CTNNA2: variants seen among roughly 807,000 people sequenced by gnomAD.
CTNNA2 encodes catenin alpha 2, also known as catenin alpha-2.
Under a neutral mutation model 101.0 loss-of-function variants are expected in CTNNA2, and 42 were observed. The ratio of observed to expected loss-of-function variants is 0.42; its 90% CI spans 0.32 to 0.54. CTNNA2 has a LOEUF of 0.54. CTNNA2 is among the 20% of genes least tolerant of loss of function. CTNNA2 has a pLI of 0.14. For missense variants in CTNNA2, 871 were observed against 1,223.1 expected (o/e 0.71, Z 4.29); for synonymous variants, 450 against 456.4 (o/e 0.99, Z 0.18).
At chr2:79,779,225 G>A (rs1371722520) in intron 3 of CTNNA2, among the ~76,000 whole-genome samples, 1 of 152,022 alleles carries the variant, frequency 6.6e-6, no homozygotes, top group Non-Finnish European at 1.5e-5. Context: ...CTTTCAGGAA[G>A]AAAACTTCTG....
At chr2:79,609,329 G>A (rs1678115006) in intron 1 of CTNNA2, among the ~76,000 whole-genome samples, 1 of 151,888 alleles carries the variant, frequency 6.6e-6, no homozygotes, top group African/African-American at 2.4e-5. Flanking sequence ...CTAATTTTTA[G>A]CATAAGTATA....
At chr2:80,492,385 G>T (rs1177219967) in intron 9 of CTNNA2, among the ~76,000 whole-genome samples, 1 of 152,086 alleles carries the variant, frequency 6.6e-6, no homozygotes, top group Non-Finnish European at 1.5e-5. Context: ...CCAGTTTCTG[G>T]CATTTCTTAA....
chr2:80,294,846 A>T (rs1187482373), intron 7 of CTNNA2, among the ~76,000 whole-genome samples: 1 of 152,158 alleles, frequency 6.6e-6, no homozygotes, highest in African/African-American at 2.4e-5. Flanking sequence ...CCTTCTTCTC[A>T]TAACACGAGG....
At chr2:80,607,229 A>G (rs1698105874) in intron 16 of CTNNA2, among the ~76,000 whole-genome samples, 1 of 151,856 alleles carries the variant, frequency 6.6e-6, no homozygotes, top group South Asian at 2.1e-4. Flanking sequence ...TTCTTATAGT[A>G]TTAAGGATCT....
chr2:79,988,466 ATGTGTGTGTGTGTGTGTG>A (rs70940067), intron 7 of CTNNA2, among the ~76,000 whole-genome samples: 1 of 149,026 alleles, frequency 6.7e-6, no homozygotes, highest in African/African-American at 2.5e-5. Context: ...GTGTATGTGT[ATGTGTGTGTGTGTGTGTG>A]TGTGTGTGTG....
At position 79,674,090 on chromosome 2, in the gene CTNNA2, G is replaced by A. The variant is rs191550108; in HGVS notation, c.102+22432G>A. Among the ~76,000 whole-genome samples the A allele has an allele frequency of 1.7e-3, 266 of 152,288 alleles. 4 individuals are homozygous for A. Among genetic ancestry groups the A allele is most frequent in the Admixed American group, 0.015 (227 of 15,296 alleles). ...ACTGAATTTCTGATTCAGTAGGTCTGGGGTGAAACTTGGCAATCTGTGTTT... is the reference window on the plus strand; with the variant it reads ...ACTGAATTTCTGATTCAGTAGGTCTAGGGTGAAACTTGGCAATCTGTGTTT... On this transcript the variant is annotated intron_variant, in intron 2 of 18. Transcript: ENST00000402739.
rs190617540 is a variant in CTNNA2 at position 79,314,456 on chromosome 2, T to C, written c.-318+1660T>C. ...TGCGTGGGCCTAATTGTGCACAATT[T>C]TAAACAGCAATAAAAAAAATTCTCT... On this transcript the variant is annotated intron_variant, in intron 3 of 21. Transcript: ENST00000466387. Among the ~76,000 whole-genome samples, 306 of 152,250 alleles carry C rather than the reference T, an allele frequency of 2.0e-3. 3 individuals carry two copies. Among genetic ancestry groups the C allele is most frequent in the African/African-American group, 6.8e-3 (283 of 41,552 alleles).
At chr2:79,699,539 A>C (rs7565902) in intron 2 of CTNNA2, among the ~76,000 whole-genome samples, 69,181 of 151,564 alleles carry the variant, frequency 0.46, 15,866 homozygotes, top group Admixed American at 0.49. Context: ...ATATTTATAG[A>C]ATAATGGAAT....
intron 8 of CTNNA2, among the ~76,000 whole-genome samples, chr2:80,405,707 G>A (rs1313845621): frequency 6.6e-6 from 1 of 152,132 alleles, no homozygotes; most frequent in African/African-American, 2.4e-5. Flanking sequence ...TGCATATCAG[G>A]AGACTAGCAG....
intron 7 of CTNNA2, among the ~76,000 whole-genome samples, chr2:80,340,834 C>G (rs1672163809): frequency 6.6e-6 from 1 of 152,146 alleles, no homozygotes; most frequent in Non-Finnish European, 1.5e-5. Flanking sequence ...AATAATGCCC[C>G]CATGTCATAC....
chr2:79,202,636 G>A (rs2104183574), intron 2 of CTNNA2, among the ~76,000 whole-genome samples: 1 of 152,242 alleles, frequency 6.6e-6, no homozygotes, highest in South Asian at 2.1e-4. Flanking sequence ...TTAATCCTAT[G>A]AGAGAATAGC....
intron 2 of CTNNA2, among the ~76,000 whole-genome samples, chr2:79,251,034 T>C (rs1365693948): frequency 6.6e-6 from 1 of 152,194 alleles, no homozygotes; most frequent in Non-Finnish European, 1.5e-5. Flanking sequence ...GTAGTAATGG[T>C]TAAAATCTGG....
At chr2:79,196,184 G>A (rs200716887) in intron 1 of CTNNA2, among the ~76,000 whole-genome samples, 5 of 152,152 alleles carry the variant, frequency 3.3e-5, no homozygotes, top group Middle Eastern at 3.4e-3. Flanking sequence ...CACCCGCCTC[G>A]GCCTCCCAAA....
intron 7 of CTNNA2, chr2:80,313,748 A>G (rs1573687481): frequency 1.1e-6 from 1 of 916,656 alleles, no homozygotes; most frequent in South Asian, 1.6e-5. Flanking sequence ...ATGTGAGTAC[A>G]AGGAATATAA....
At chr2:79,526,618 A>G (rs1044473701) in intron 1 of CTNNA2, among the ~76,000 whole-genome samples, 2 of 152,160 alleles carry the variant, frequency 1.3e-5, no homozygotes, top group Non-Finnish European at 2.9e-5. Flanking sequence ...TATTGACATC[A>G]GCATAGGCAT....
At chr2:79,613,116 G>A (rs538927660) in intron 1 of CTNNA2, among the ~76,000 whole-genome samples, 1 of 151,154 alleles carries the variant, frequency 6.6e-6, no homozygotes, top group African/African-American at 2.4e-5. Flanking sequence ...CAATTTTGCG[G>A]AGATGAAAAC....
At chr2:80,526,561 G>A (rs886718853) in intron 9 of CTNNA2, among the ~76,000 whole-genome samples, 1 of 152,032 alleles carries the variant, frequency 6.6e-6, no homozygotes, top group African/African-American at 2.4e-5. Flanking sequence ...TCAAACTCCT[G>A]ACCTCAGGTG....
At chr2:80,376,140 T>A (rs1675929966) in intron 7 of CTNNA2, among the ~76,000 whole-genome samples, 3 of 146,780 alleles carry the variant, frequency 2.0e-5, no homozygotes, top group Non-Finnish European at 2.9e-5. Flanking sequence ...ATTATTTGAT[T>A]TTTTTTCCCC....
intron 7 of CTNNA2, among the ~76,000 whole-genome samples, chr2:80,207,587 G>A (rs1300423869): frequency 6.6e-6 from 1 of 152,134 alleles, no homozygotes; most frequent in East Asian, 1.9e-4. Context: ...AGTTGGCATT[G>A]CTTGGAACAT....
Sources: gnomAD v4.1 joint callset for allele counts (sites outside exome capture counted in the v4.1 genomes callset) on GRCh38, gnomAD v4.1.1 for gene constraint, MANE v1.5 for transcripts, NCBI Gene and HGNC (gene_info 2026-07-23, HGNC 2026-07-21) for gene names.